Variants in FUT8 observed in about 807,000 individuals in gnomAD.
FUT8 encodes the protein fucosyltransferase 8, also known as alpha-(1,6)-fucosyltransferase.
In FUT8, 29 loss-of-function variants were observed where a neutral mutation model predicts 71.3. The ratio of observed to expected loss-of-function variants is 0.41; its 90% CI spans 0.30 to 0.55. FUT8 has a LOEUF of 0.55. FUT8 is among the 20% of genes least tolerant of loss of function. The probability of loss-of-function intolerance (pLI) is 0.34; values close to 1 mark genes in which losing one functional copy is unlikely to be tolerated. For missense variants in FUT8, 544 were observed against 702.1 expected, an observed-to-expected ratio of 0.77 and a Z score of 2.55; for synonymous variants, 254 against 239.3, an observed-to-expected ratio of 1.06 and a Z score of -0.57.
intron 7 of FUT8, among the ~76,000 whole-genome samples, chr14:65,689,388 A>G (rs150696308): frequency 4.6e-5 from 7 of 152,100 alleles, no homozygotes; most frequent in East Asian, 1.9e-4. Flanking sequence ...GGTTCTTTTT[A>G]TATTTTGGAA....
chr14:65,721,669 C>A, intron 7 of FUT8, 106 bp from the exon 8 acceptor site: 1 of 1,110,432 alleles, frequency 9.0e-7, no homozygotes, highest in Non-Finnish European at 1.3e-6. Flanking sequence ...GATTATACTT[C>A]TTTAGAGTTG....
At chr14:65,683,360 G>C (rs1893129941) in intron 7 of FUT8, among the ~76,000 whole-genome samples, 1 of 152,082 alleles carries the variant, frequency 6.6e-6, no homozygotes, top group South Asian at 2.1e-4. Flanking sequence ...TAATGCATTT[G>C]CATTAATTTG....
chr14:65,450,060 G>A (rs2065799118), intron 1 of FUT8, among the ~76,000 whole-genome samples: 1 of 152,118 alleles, frequency 6.6e-6, no homozygotes, highest in South Asian at 2.1e-4. Flanking sequence ...CATTTCATAT[G>A]TGATTTTGTG....
rs988635024 is a variant in FUT8, at chr14:65,660,940, A to G, written c.598-8303A>G. On this transcript the variant is annotated intron_variant, in intron 6 of 10. Transcript: ENST00000673929. This position sits in a 1 kb window ranked among gnomAD's most constrained non-coding sequence, Gnocchi z 4.1. Reference sequence around the variant, plus strand: ...ATGAAATGCTTTCACTACACTATTAATGAATTCGTTCTTCATTACCAGCAC... The same window carrying G: ...ATGAAATGCTTTCACTACACTATTAGTGAATTCGTTCTTCATTACCAGCAC... Among the ~76,000 whole-genome samples the G allele has an allele frequency of 6.6e-6, 1 of 152,218 alleles. No homozygotes were observed. The highest frequency in any genetic ancestry group is 2.4e-5 in the African/African-American group (1 of 41,466).
chr14:65,422,984 CTT>C (rs34536679), intron 1 of FUT8, among the ~76,000 whole-genome samples: 148 of 127,394 alleles, frequency 1.2e-3, no homozygotes, highest in African/African-American at 3.5e-3. Flanking sequence ...TTCTTTCTTT[CTT>C]TTTTTTTTTT....
upstream of FUT8, chr14:65,411,941 T>G: frequency 1.8e-5 from 8 of 439,910 alleles, no homozygotes; most frequent in South Asian, 1.1e-4. Context: ...GGGGCAGCCC[T>G]TCGGTCCACT....
At chr14:65,645,202 C>T (rs1457727283) in intron 6 of FUT8, among the ~76,000 whole-genome samples, 3 of 152,150 alleles carry the variant, frequency 2.0e-5, no homozygotes, top group African/African-American at 7.2e-5. Context: ...CACATGGAAT[C>T]TGTGAATAGT....
intron 7 of FUT8, among the ~76,000 whole-genome samples, chr14:65,691,942 C>T (rs948798876): frequency 6.6e-6 from 1 of 152,138 alleles, no homozygotes; most frequent in African/African-American, 2.4e-5. Flanking sequence ...CAACAGGATC[C>T]CAAGGCAGAA....
At chr14:65,592,837 A>G (rs1196792204) in intron 3 of FUT8, among the ~76,000 whole-genome samples, 2 of 152,124 alleles carry the variant, frequency 1.3e-5, no homozygotes, top group Admixed American at 6.5e-5. Context: ...CCTCTCTTCT[A>G]CTTGTTGGGA....
upstream of FUT8, chr14:65,412,145 C>G (rs920761570): frequency 5.5e-5 from 25 of 456,520 alleles, no homozygotes; most frequent in African/African-American, 4.4e-4. Flanking sequence ...GGGTCTTTCT[C>G]TTCGAGTGAA....
the FUT8 span, among the ~76,000 whole-genome samples, chr14:65,374,185 TTG>T: frequency 6.6e-6 from 1 of 152,234 alleles, no homozygotes; most frequent in African/African-American, 2.4e-5. Context: ...CTGTTTGTCT[TTG>T]TGTGTTTATG....
intron 2 of FUT8, among the ~76,000 whole-genome samples, chr14:65,503,558 A>G (rs1350418240): frequency 6.6e-6 from 1 of 152,150 alleles, no homozygotes. Context: ...TCTAGATTTT[A>G]CTTTCAGTAA....
chr14:65,644,839 G>C (rs960936002), intron 6 of FUT8, among the ~76,000 whole-genome samples: 1 of 151,992 alleles, frequency 6.6e-6, no homozygotes, highest in Non-Finnish European at 1.5e-5. Flanking sequence ...TATTAACATG[G>C]ATAACTCATA....
chr14:65,617,236 G>T, intron 5 of FUT8: 1 of 1,466,794 alleles, frequency 6.8e-7, no homozygotes, highest in Non-Finnish European at 9.0e-7. Flanking sequence ...ATATTATAAT[G>T]ATTTTGAAAA....
intron 3 of FUT8, among the ~76,000 whole-genome samples, chr14:65,565,744 T>G (rs768524418): frequency 3.3e-5 from 5 of 151,948 alleles, no homozygotes. Flanking sequence ...TTTCAATTTA[T>G]ATTTCTGTAA....
intron 6 of FUT8, among the ~76,000 whole-genome samples, chr14:65,634,072 GCTC>G (rs1315291932): frequency 6.6e-6 from 1 of 152,252 alleles, no homozygotes; most frequent in African/African-American, 2.4e-5. Context: ...GTACCCAACA[GCTC>G]ATTGAGAACG....
chr14:65,716,986 A>C (rs1390067783), intron 7 of FUT8, among the ~76,000 whole-genome samples: 1 of 140,836 alleles, frequency 7.1e-6, no homozygotes, highest in East Asian at 2.2e-4. Flanking sequence ...GGTGCTCCAC[A>C]CTTCCCAGAC....
intron 1 of FUT8, among the ~76,000 whole-genome samples, chr14:65,414,391 G>A (rs970247216): frequency 5.9e-5 from 9 of 152,068 alleles, no homozygotes; most frequent in African/African-American, 2.2e-4. Flanking sequence ...AAGTATTTTA[G>A]GAGAGAAATT....
chr14:65,598,074 T>G (rs1332922360), intron 3 of FUT8, among the ~76,000 whole-genome samples: 1 of 151,996 alleles, frequency 6.6e-6, no homozygotes, highest in Non-Finnish European at 1.5e-5. Context: ...CTCTGGAAGC[T>G]GAGGTAAGAG....
Sources: gnomAD v4.1 joint callset for allele counts (sites outside exome capture counted in the v4.1 genomes callset) on GRCh38, gnomAD v4.1.1 for gene constraint, Gnocchi (gnomAD v3.1) non-coding constraint, MANE v1.5 for transcripts, NCBI Gene and HGNC (gene_info 2026-07-23, HGNC 2026-07-21) for gene names.